MGAT4C: variants seen among roughly 807,000 people sequenced by gnomAD.
MGAT4C encodes the protein MGAT4 family member C, also known as alpha-1,3-mannosyl-glycoprotein 4-beta-N-acetylglucosaminyltransferase C.
Under a neutral mutation model 40.1 loss-of-function variants are expected in MGAT4C, and 19 were observed. That is an observed-to-expected ratio of 0.47 (90% CI 0.33 to 0.70). The LOEUF is 0.70. Among genes scored for constraint, MGAT4C ranks in the 30% least tolerant of loss-of-function variants. The probability of loss-of-function intolerance (pLI) is 0.02; values close to 1 mark genes in which losing one functional copy is unlikely to be tolerated. For missense variants in MGAT4C, 491 were observed against 563.2 expected (o/e 0.87, Z 1.30); for synonymous variants, 181 against 187.1 (o/e 0.97, Z 0.27).
chr12:86,240,881 G>A (rs1057153024), intron 1 of MGAT4C, among the ~76,000 whole-genome samples: 5 of 152,106 alleles, frequency 3.3e-5, no homozygotes, highest in African/African-American at 1.2e-4. Context: ...ATGGGACCAA[G>A]TCTAGAATTA....
chr12:86,074,162 T>C (rs766518913), intron 1 of MGAT4C, among the ~76,000 whole-genome samples: 2 of 152,254 alleles, frequency 1.3e-5, no homozygotes, highest in South Asian at 2.1e-4. Context: ...GCCACCACCA[T>C]GTAAGAAGTG....
In MGAT4C at chr12:86,629,576, C is replaced by A. The variant is rs1436777350; in HGVS notation, c.-229+97633G>T. On this transcript the variant is annotated intron_variant, in intron 2 of 7. Coordinates refer to the MGAT4C transcript ENST00000548651. ...GTCTCTCAGACCACAGTGCAATCAA[C>A]TTACAACTCAGGATTAAGGAACTCA... Among the ~76,000 whole-genome samples, 11 of 152,206 alleles carry A rather than the reference C, an allele frequency of 7.2e-5. No homozygotes were observed. The East Asian group carries it at 1.7e-3, about 24-fold the overall frequency.
intron 2 of MGAT4C, among the ~76,000 whole-genome samples, chr12:86,581,165 T>C (rs1010730381): frequency 6.6e-6 from 1 of 151,458 alleles, no homozygotes; most frequent in Non-Finnish European, 1.5e-5. Context: ...AAGGGCATAC[T>C]TCCTTTGCTT....
chr12:86,016,434 A>G (rs576886848), intron 2 of MGAT4C: 1 of 150,784 alleles, frequency 6.6e-6, no homozygotes, highest in African/African-American at 2.5e-5. Flanking sequence ...TTGTGCAGAC[A>G]GGATAGTTCC....
intron 4 of MGAT4C, among the ~76,000 whole-genome samples, chr12:86,267,699 G>A (rs1415802308): frequency 6.6e-6 from 1 of 152,056 alleles, no homozygotes; most frequent in Non-Finnish European, 1.5e-5. Context: ...GTCAGTACAA[G>A]CTAGTAAGTA....
At chr12:86,795,188 C>A (rs926975586) in intron 1 of MGAT4C, among the ~76,000 whole-genome samples, 6 of 151,834 alleles carry the variant, frequency 4.0e-5, no homozygotes, top group South Asian at 2.1e-4. Flanking sequence ...AGAAACTCTG[C>A]ATTTATTATA....
At chr12:86,317,016 A>G (rs970346983) in intron 4 of MGAT4C, among the ~76,000 whole-genome samples, 1 of 152,058 alleles carries the variant, frequency 6.6e-6, no homozygotes, top group African/African-American at 2.4e-5. Context: ...GGACAGAAAA[A>G]AGAAGGGACA....
intron 2 of MGAT4C, among the ~76,000 whole-genome samples, chr12:86,547,568 G>A (rs1236007153): frequency 1.3e-5 from 2 of 151,996 alleles, no homozygotes; most frequent in East Asian, 1.9e-4. Context: ...ATATGACAAT[G>A]TCCAATTTAA....
intron 2 of MGAT4C, among the ~76,000 whole-genome samples, chr12:86,562,797 G>T (rs892663797): frequency 1.3e-5 from 2 of 152,166 alleles, no homozygotes; most frequent in African/African-American, 2.4e-5. Flanking sequence ...TATTAAGGGT[G>T]TGGGATAATG....
At position 86,419,905 on chromosome 12, in the gene MGAT4C, G is replaced by A. The variant is rs1359636544; in HGVS notation, c.-120+15252C>T. Among the ~76,000 whole-genome samples, 3 of 152,248 alleles carry A rather than the reference G, an allele frequency of 2.0e-5. No individual in the cohort carries two copies. In the South Asian group the frequency reaches 6.2e-4, roughly 32 times the overall value. ...TTACTTTGTATGTTATGTGTTAAGT[G>A]CAGCAGCAAAGGTGAGGAAAACAGA... is the stretch of plus-strand genomic sequence containing the variant. On this transcript the variant is annotated intron_variant, in intron 3 of 7. Transcript: ENST00000548651.
chr12:86,072,026 TTGTGTG>T (rs71076158), intron 1 of MGAT4C, among the ~76,000 whole-genome samples: 7,710 of 149,028 alleles, frequency 0.052, 239 homozygotes, highest in East Asian at 0.13. Context: ...GCATAGGGTT[TTGTGTG>T]TGTGTGTGTG....
At chr12:86,220,253 A>G (rs1273843452) in intron 1 of MGAT4C, among the ~76,000 whole-genome samples, 1 of 152,022 alleles carries the variant, frequency 6.6e-6, no homozygotes, top group East Asian at 1.9e-4. Flanking sequence ...ATGGAACAGG[A>G]ATTATCTCCT....
At chr12:85,991,178 G>T (rs1885883500) in intron 2 of MGAT4C, among the ~76,000 whole-genome samples, 2 of 152,228 alleles carry the variant, frequency 1.3e-5, no homozygotes, top group African/African-American at 4.8e-5. Flanking sequence ...AGAGAGGTTA[G>T]CTCCTCTCTG....
intron 2 of MGAT4C, among the ~76,000 whole-genome samples, chr12:86,496,165 TG>T (rs761338370): frequency 1.3e-5 from 2 of 151,968 alleles, no homozygotes; most frequent in Non-Finnish European, 2.9e-5. Context: ...TGGATGCATT[TG>T]ATGATGGGAC....
intron 1 of MGAT4C, among the ~76,000 whole-genome samples, chr12:86,201,482 T>A (rs981022776): frequency 6.7e-6 from 1 of 149,306 alleles, no homozygotes; most frequent in African/African-American, 2.4e-5. Flanking sequence ...CATATTTACA[T>A]AATATAAAAT....
intron 2 of MGAT4C, among the ~76,000 whole-genome samples, chr12:86,602,984 T>C (rs1961841227): frequency 6.6e-6 from 1 of 151,534 alleles, no homozygotes; most frequent in African/African-American, 2.4e-5. Context: ...ATATGAAGCA[T>C]ATTACGCTAC....
chr12:86,816,430 T>C (rs1352542443), intron 1 of MGAT4C, among the ~76,000 whole-genome samples: 3 of 151,794 alleles, frequency 2.0e-5, no homozygotes, highest in African/African-American at 7.2e-5. Context: ...TGTGTATACA[T>C]TGCTGGTATA....
intron 1 of MGAT4C, among the ~76,000 whole-genome samples, chr12:86,837,235 G>C (rs1953055453): frequency 6.6e-6 from 1 of 152,080 alleles, no homozygotes; most frequent in Non-Finnish European, 1.5e-5. Context: ...TTAAGGCCCT[G>C]TTCCTCAATT....
At chr12:86,211,951 G>T (rs1230674328) in intron 1 of MGAT4C, among the ~76,000 whole-genome samples, 1 of 152,074 alleles carries the variant, frequency 6.6e-6, no homozygotes, top group Non-Finnish European at 1.5e-5. Flanking sequence ...GGAGCTGCTG[G>T]ACAGCTTAGG....
Sources: gnomAD v4.1 joint callset for allele counts (sites outside exome capture counted in the v4.1 genomes callset) on GRCh38, gnomAD v4.1.1 for gene constraint, MANE v1.5 for transcripts, NCBI Gene and HGNC (gene_info 2026-07-23, HGNC 2026-07-21) for gene names.